MUS81: variants seen among roughly 807,000 people sequenced by gnomAD.
MUS81 encodes the protein structure-specific endonuclease subunit MUS81.
MUS81 carries 69 observed loss-of-function variants against 74.2 expected under a neutral mutation model. The ratio of observed to expected loss-of-function variants is 0.93; its 90% confidence interval spans 0.77 to 1.14. The LOEUF is 1.14. MUS81 is among the 50% of genes most tolerant of loss of function. The pLI is 0.00. For synonymous variants in MUS81, 303 were observed against 300.6 expected (o/e 1.01, Z -0.08); for missense variants, 711 against 726.5 (o/e 0.98, Z 0.25).
rs59765123 is a variant in MUS81, at chr11:65,863,993, T to C, written c.1059+92T>C. ...CCAGGGGCACTTCTGGCAGCCTCCT[T>C]GAGGCAGAGCCCTTTGGAATCCAGC... On this transcript the variant is annotated intron_variant, in intron 10 of 15. Coordinates refer to ENST00000308110, the MANE Select transcript of MUS81 (RefSeq NM_025128.5). The C allele has an allele frequency of 8.6e-6, 11 of 1,283,416 alleles. No individual in the cohort carries two copies. The East Asian group carries it at 2.3e-4, about 27-fold the overall frequency. 79.5% of individuals were successfully genotyped at this position (1,283,416 alleles called of 1,614,324 possible).
rs1859692405 is a variant in MUS81 at position 65,863,477 on chromosome 11, T to G, written c.814T>G (p.Cys272Gly). 1.9e-6 allele frequency: 3 copies of G among 1,613,816 alleles called. No homozygotes were observed. Among genetic ancestry groups the G allele is most frequent in the African/African-American group, 2.7e-5 (2 of 74,834 alleles). Residue 272 changes from cysteine (C) to glycine (G), a missense_variant, in exon 8 of 16, where the codon TGT (cysteine) becomes GGT (glycine). Physicochemically the swap from Cys to Gly is radical, Grantham distance 159. Coordinates refer to ENST00000308110, the MANE Select transcript of MUS81 (RefSeq NM_025128.5). ...LRPGEYRVLL[C>G]VDIGETRGGG... Reference sequence around the variant, plus strand: ...GCCTGGAGAGTACAGGGTGCTGTTGTGTGTGGACATTGGCGAGACCCGGGG... The same window carrying G: ...GCCTGGAGAGTACAGGGTGCTGTTGGGTGTGGACATTGGCGAGACCCGGGG...
Position 65,866,293 on chromosome 11 carries a change from T to A in MUS81, c.*241T>A. 1.7e-6 allele frequency: 1 copy of A among 598,736 alleles called. No homozygotes were observed. Among genetic ancestry groups the A allele is most frequent in the Non-Finnish European group, 2.9e-6 (1 of 339,228 alleles). 37.1% of individuals were successfully genotyped at this position (598,736 alleles called of 1,614,324 possible). On this transcript the variant is annotated 3_prime_UTR_variant, in exon 16 of 16. Transcript: ENST00000308110. The stretch of plus-strand genomic sequence containing the variant: ...GAATTCCCTGGTCAGGGAGATGGAG[T>A]CAGTGGGGCATTGCAGCTTGGAATC...
Position 65,861,976 on chromosome 11 carries a change from T to G in MUS81, c.381T>G (p.Ser127=). ...PVPAQPKAGG[S]GSYWPARHSG... ...CTGCCCAGCCCAAAGCGGGAGGCTC[T>G]GGCAGCTACTGGCCAGCTCGGCACT... The change falls in exon 4 of 16, where the codon TCT becomes TCG. Residue 127 remains serine, a synonymous_variant. Coordinates refer to ENST00000308110, the MANE Select transcript of MUS81 (RefSeq NM_025128.5). 6.2e-7 allele frequency: 1 copy of G among 1,611,564 alleles called. No individual in the cohort carries two copies. Among genetic ancestry groups the G allele is most frequent in the South Asian group, 1.1e-5 (1 of 90,636 alleles).
rs1859548697 is a variant in MUS81 at position 65,860,555 on chromosome 11, C to T, written c.-199C>T. ...GCCCCTGACCAACCACTTAGAGCAG[C>T]GCAGGGGTGGGAGGGCGGCCGCAGG... On this transcript the variant is annotated 5_prime_UTR_variant, in exon 1 of 16. Transcript: ENST00000308110. 12 of 669,576 alleles carry T rather than the reference C, an allele frequency of 1.8e-5. No homozygotes were observed. The highest frequency in any genetic ancestry group is 1.3e-4 in the South Asian group (7 of 55,802). 41.5% of individuals were successfully genotyped at this position (669,576 alleles called of 1,614,324 possible). A position where few individuals can be genotyped will look rare whatever the true frequency, so the allele number is the denominator to read the frequency against.
At position 65,866,205 on chromosome 11, in the gene MUS81, A is replaced by AT; in HGVS notation, c.*154dup. 2.8e-6 allele frequency: 2 copies of AT among 714,106 alleles called. No individual in the cohort carries two copies. Among genetic ancestry groups the AT allele is most frequent in the Non-Finnish European group, 2.3e-6 (1 of 438,016 alleles). 44.2% of individuals were successfully genotyped at this position (714,106 alleles called of 1,614,324 possible). On this transcript the variant is annotated 3_prime_UTR_variant, in exon 16 of 16. Coordinates refer to ENST00000308110, the MANE Select transcript of MUS81 (RefSeq NM_025128.5). ...TGCCTAGCCCTGGGGACCTTGTGAA[A>AT]TACGCAGGAACCAGGGATACCATCT...
Position 65,863,873 on chromosome 11 carries a change from T to G in MUS81, c.1031T>G (p.Ile344Ser), listed in dbSNP as rs138527502. 5.1e-5 allele frequency: 83 copies of G among 1,614,054 alleles called. No homozygotes were observed. The highest frequency in any genetic ancestry group is 1.7e-4 in the African/African-American group (13 of 74,924). Residue 344 changes from isoleucine (I) to serine (S), a missense_variant, in exon 10 of 16, where the codon ATC becomes AGC. Transcript: ENST00000308110. ...CGACTGGATGACCTTTGCAGCAGCA[T>G]CATCGACGGCCGCTTCCGGGAGCAG... is the stretch of plus-strand genomic sequence containing the variant. ...RKRLDDLCSS[I>S]IDGRFREQKF...
downstream of MUS81, chr11:65,866,769 C>T (rs974586100): frequency 1.9e-6 from 2 of 1,060,990 alleles, no homozygotes; most frequent in South Asian, 1.3e-5. Flanking sequence ...CAAGTGCCAC[C>T]CTGCCCCAGC....
intron 10 of MUS81, 80 bp downstream of exon 10, chr11:65,863,981 T>C: frequency 7.1e-7 from 1 of 1,412,894 alleles, no homozygotes; most frequent in Non-Finnish European, 9.9e-7. Flanking sequence ...GGGGCACTTC[T>C]GGCAGCCTCC....
Position 65,861,946 on chromosome 11 carries a change from G to A in MUS81, c.352-1G>A. 1 of 1,606,860 alleles carries A rather than the reference G, an allele frequency of 6.2e-7. No homozygotes were observed. Among genetic ancestry groups the A allele is most frequent in the Non-Finnish European group, 8.5e-7 (1 of 1,177,094 alleles). ...GTTCAGAACTCCTCTGTACCTTTCA[G>A]GTTCCTGCCCAGCCCAAAGCGGGAG... On this transcript the variant is annotated splice_acceptor_variant, in intron 3 of 15. Coordinates refer to ENST00000308110, the MANE Select transcript of MUS81 (RefSeq NM_025128.5). LOFTEE classifies it high-confidence loss of function.
At chr11:65,865,487 G>A in intron 14 of MUS81, 164 bp downstream of exon 14, 1 of 737,362 alleles carries the variant, frequency 1.4e-6, no homozygotes, top group Non-Finnish European at 2.2e-6. Context: ...GAGGAAGCCA[G>A]CAGGCCCACA....
chr11:65,867,298 C>A, downstream of MUS81: 1 of 602,072 alleles, frequency 1.7e-6, no homozygotes, highest in South Asian at 1.9e-5. Context: ...TCTTCTCACC[C>A]TCTCCAGCCT....
Position 65,861,353 on chromosome 11 carries a change from A to G in MUS81, c.269A>G (p.Asp90Gly), listed in dbSNP as rs1393648514. The stretch of plus-strand genomic sequence containing the variant: ...TTAACTCTTTTCTCTCCCGCAGGTG[A>G]CCATGCCCCGGACTCACCATCTGGA... ...RLQRHRTSGGDHAPDSPSGEN... is the reference protein window; with the variant it reads ...RLQRHRTSGGGHAPDSPSGEN... The change falls in exon 3 of 16, where the codon GAC becomes GGC. Residue 90 changes from aspartate (D) to glycine (G), a missense_variant. Transcript: ENST00000308110. 2 of 1,594,636 alleles carry G rather than the reference A, an allele frequency of 1.3e-6. No individual in the cohort carries two copies. Among genetic ancestry groups the G allele is most frequent in the Non-Finnish European group, 1.7e-6 (2 of 1,168,844 alleles).
Position 65,860,774 on chromosome 11 carries a change from G to C in MUS81, c.21G>C (p.Leu7=), listed in dbSNP as rs964407630. The part of the protein sequence containing the change: MAAPVR[L]GRKRPLPACP... Reference sequence around the variant, plus strand: ...GGCTCATGGCGGCCCCGGTCCGCCTGGGCCGGAAGCGCCCGCTGCCTGCCT... The same window carrying C: ...GGCTCATGGCGGCCCCGGTCCGCCTCGGCCGGAAGCGCCCGCTGCCTGCCT... Residue 7 remains leucine (L), a synonymous_variant, in exon 1 of 16, where the codon CTG becomes CTC. Transcript: ENST00000308110. 1.3e-6 allele frequency: 2 copies of C among 1,536,132 alleles called. No homozygotes were observed. The highest frequency in any genetic ancestry group is 1.7e-6 in the Non-Finnish European group (2 of 1,146,024).
chr11:65,866,594 A>G (rs1267251570), downstream of MUS81: 1 of 702,830 alleles, frequency 1.4e-6, no homozygotes, highest in Non-Finnish European at 2.6e-6. Flanking sequence ...CAAGCCAGCC[A>G]AGTCCAAATC....
chr11:65,861,770 A>T, intron 3 of MUS81, 177 bp from the exon 4 acceptor site: 2 of 637,950 alleles, frequency 3.1e-6, no homozygotes, highest in Admixed American at 5.8e-5. Context: ...ACTGCCCCGA[A>T]ACTGCCTGCT....
chr11:65,866,980 T>C (rs754245606), downstream of MUS81: 1 of 1,614,094 alleles, frequency 6.2e-7, no homozygotes, highest in African/African-American at 1.3e-5. Flanking sequence ...CGGTAGCTCA[T>C]GAGGGAATTC....
chr11:65,861,973 C>A lies in MUS81; in HGVS notation c.378C>A (p.Gly126=). 6.2e-7 allele frequency: 1 copy of A among 1,611,518 alleles called. No individual in the cohort carries two copies. The highest frequency in any genetic ancestry group is 8.5e-7 in the Non-Finnish European group (1 of 1,179,138). Residue 126 remains glycine (G), a synonymous_variant, in exon 4 of 16, where the codon GGC becomes GGA. Transcript: ENST00000308110. ...MPVPAQPKAG[G]SGSYWPARHS... ...TTCCTGCCCAGCCCAAAGCGGGAGG[C>A]TCTGGCAGCTACTGGCCAGCTCGGC...
chr11:65,864,870 T>C, intron 12 of MUS81, 55 bp downstream of exon 12: 1 of 1,587,390 alleles, frequency 6.3e-7, no homozygotes, highest in Non-Finnish European at 8.6e-7. Context: ...GAATTCACCT[T>C]GCCTGGGCCC....
At position 65,865,276 on chromosome 11, in the gene MUS81, T is replaced by A; in HGVS notation, c.1458T>A (p.Ser486Arg). The change falls in exon 14 of 16, where the codon AGT becomes AGA. Residue 486 changes from serine to arginine, a missense_variant. Ser to Arg is a moderately radical substitution (Grantham distance 110). Transcript: ENST00000308110. The part of the protein sequence containing the change: ...ARQLMQVRGV[S>R]GEKAAALVDR... ...AGCTGATGCAGGTGCGCGGAGTGAG[T>A]GGGGAGAAGGCAGCAGCCCTGGTGG... The A allele has an allele frequency of 6.2e-7, 1 of 1,613,488 alleles. No individual in the cohort carries two copies. Among genetic ancestry groups the A allele is most frequent in the Non-Finnish European group, 8.5e-7 (1 of 1,179,884 alleles).
Sources: allele counts gnomAD v4.1 joint callset, GRCh38; gene constraint gnomAD v4.1.1; transcripts MANE v1.5; gene names NCBI Gene and HGNC (gene_info 2026-07-23, HGNC 2026-07-21).